ZNF543: variants seen among roughly 807,000 people sequenced by gnomAD.
ZNF543 encodes zinc finger protein 543.
A neutral mutation model predicts 13.4 loss-of-function variants in ZNF543; 10 were observed. That is an observed-to-expected ratio of 0.75 (90% CI 0.46 to 1.26). The LOEUF is 1.26. Ranked by LOEUF, ZNF543 falls within the 50% of genes most tolerant of loss-of-function variation. The pLI is 0.00. For missense variants in ZNF543, 768 were observed against 741.2 expected, an observed-to-expected ratio of 1.04 and a Z score of -0.42; for synonymous variants, 272 against 264.7, an observed-to-expected ratio of 1.03 and a Z score of -0.27.
Position 57,328,412 on chromosome 19 carries a change from G to T in ZNF543, c.950G>T (p.Gly317Val). Residue 317 changes from glycine (G) to valine (V), a missense_variant, in exon 4 of 4, where the codon GGC (glycine) becomes GTC (valine). Gly to Val is a moderately radical substitution (Grantham distance 109). This residue lies in a region of ZNF543 where 677 missense variants were observed against 631.4 expected (regional missense o/e 1.07). Coordinates refer to ENST00000321545, the MANE Select transcript of ZNF543 (RefSeq NM_213598.4). ...GEKPFVCKEC[G>V]KAFRDRPGFI... ...AAACCCTTTGTGTGCAAAGAGTGTGGCAAAGCCTTTCGAGATAGGCCAGGT... is the reference window on the plus strand; with the variant it reads ...AAACCCTTTGTGTGCAAAGAGTGTGTCAAAGCCTTTCGAGATAGGCCAGGT... 1 of 1,613,602 alleles carries T rather than the reference G, an allele frequency of 6.2e-7. No homozygotes were observed. The highest frequency in any genetic ancestry group is 1.3e-5 in the African/African-American group (1 of 74,808).
intron 1 of ZNF543, among the ~76,000 whole-genome samples, chr19:57,323,252 C>T (rs995469370): frequency 6.7e-6 from 1 of 150,150 alleles, no homozygotes; most frequent in African/African-American, 2.5e-5. Flanking sequence ...AGTACAGTGG[C>T]ACGATCTCGG....
Position 57,330,421 on chromosome 19 carries a change from C to G in ZNF543, c.*1156C>G, listed in dbSNP as rs776326783. ...AGGTCCACCTCAGTTTTCTAAAGGT[C>G]AAATTAAGGCCCCCCCAAAAATACA... On this transcript the variant is annotated 3_prime_UTR_variant, in exon 4 of 4. Transcript: ENST00000321545. 6.6e-6 allele frequency: 1 copy of G among 152,062 alleles called. No homozygotes were observed. Among genetic ancestry groups the G allele is most frequent in the African/African-American group, 2.4e-5 (1 of 41,404 alleles). The allele number at this position is 152,062 out of a possible 1,614,324, so 9.4% of individuals were successfully genotyped here.
chr19:57,329,599 G>A lies in ZNF543; in HGVS notation c.*334G>A, dbSNP rs866443483. The A allele has an allele frequency of 9.7e-4, 174 of 178,580 alleles. No individual in the cohort carries two copies. The highest frequency in any genetic ancestry group is 3.6e-3 in the African/African-American group (148 of 41,322). The allele number at this position is 178,580 out of a possible 1,614,324, so 11.1% of individuals were successfully genotyped here. ...GGGATCTCGGCTCACTGCAAGCTCC[G>A]CCTCCCGGGTTCACGCCATTCTCCT... On this transcript the variant is annotated 3_prime_UTR_variant, in exon 4 of 4. Coordinates refer to ENST00000321545, the MANE Select transcript of ZNF543 (RefSeq NM_213598.4).
Position 57,329,065 on chromosome 19 carries a change from T to C in ZNF543, c.1603T>C (p.Tyr535His), listed in dbSNP as rs2088145779. The C allele has an allele frequency of 6.2e-7, 1 of 1,614,084 alleles. No individual in the cohort carries two copies. Among genetic ancestry groups the C allele is most frequent in the African/African-American group, 1.3e-5 (1 of 74,934 alleles). Residue 535 changes from tyrosine to histidine, a missense_variant, in exon 4 of 4, where the codon TAT becomes CAT. Coordinates refer to ENST00000321545, the MANE Select transcript of ZNF543 (RefSeq NM_213598.4). ...CATCATTCACACTGGAGAGAAGCCG[T>C]ATGAATGCAGTGAGTGTGGAAAGGC... is the stretch of plus-strand genomic sequence containing the variant. Reference protein sequence around the residue: ...HSIIHTGEKPYECSECGKAFN... With the variant: ...HSIIHTGEKPHECSECGKAFN...
chr19:57,329,283 T>C lies in ZNF543; in HGVS notation c.*18T>C, dbSNP rs2088147784. The C allele has an allele frequency of 6.3e-7, 1 of 1,575,254 alleles. No homozygotes were observed. Among genetic ancestry groups the C allele is most frequent in the African/African-American group, 1.4e-5 (1 of 73,520 alleles). On this transcript the variant is annotated 3_prime_UTR_variant, in exon 4 of 4. Transcript: ENST00000321545. ...TGTGGTGAAAGGGAACATCTTACCA[T>C]CTGGCCATTCACACTGAAGAGAAAC...
In ZNF543 at chr19:57,320,613, G is replaced by A. The variant is rs113163663; in HGVS notation, c.-241G>A. 2,265 of 538,074 alleles carry A rather than the reference G, an allele frequency of 4.2e-3. 42 individuals carry two copies. The highest frequency in any genetic ancestry group is 0.037 in the African/African-American group (1,894 of 51,066). The allele number at this position is 538,074 out of a possible 1,614,324, so 33.3% of individuals were successfully genotyped here. On this transcript the variant is annotated 5_prime_UTR_variant, in exon 1 of 4. Coordinates refer to ENST00000321545, the MANE Select transcript of ZNF543 (RefSeq NM_213598.4). ...CTTCTCCGCATCTTGGCGGGAGCCTGACGCCCCGCTTCTTCCCTAACGGGG... is the reference window on the plus strand; with the variant it reads ...CTTCTCCGCATCTTGGCGGGAGCCTAACGCCCCGCTTCTTCCCTAACGGGG...
Position 57,328,772 on chromosome 19 carries a change from C to CTT in ZNF543, c.1313_1314dup (p.Val439LeufsTer128). 1 of 1,613,984 alleles carries CTT rather than the reference C, an allele frequency of 6.2e-7. No homozygotes were observed. The highest frequency in any genetic ancestry group is 1.3e-5 in the African/African-American group (1 of 74,942). On this transcript the variant is annotated frameshift_variant, in exon 4 of 4. Coordinates refer to ENST00000321545, the MANE Select transcript of ZNF543 (RefSeq NM_213598.4). LOFTEE classifies it low-confidence loss of function (END_TRUNC). ...GGAAAGGCCTTCACCCACTGCTCCA[C>CTT]TTTTGTCTTGCATAAAAGGACCCAC...
chr19:57,327,638 C>T, intron 3 of ZNF543, 66 bp from the exon 4 acceptor site: 1 of 1,528,798 alleles, frequency 6.5e-7, no homozygotes. Context: ...AATCACTGTC[C>T]CTGGCCTTTG....
chr19:57,323,866 C>A, intron 2 of ZNF543, 58 bp downstream of exon 2: 1 of 1,577,586 alleles, frequency 6.3e-7, no homozygotes. Context: ...CTCATGTTCC[C>A]CTCTCTCCTC....
rs766906433 is a variant in ZNF543, at chr19:57,328,117, C to T, written c.655C>T (p.Arg219Trp). The T allele has an allele frequency of 6.2e-6, 10 of 1,614,098 alleles. No homozygotes were observed. Among genetic ancestry groups the T allele is most frequent in the South Asian group, 5.5e-5 (5 of 91,088 alleles). ...KKNALLVQHE[R>W]IHTQVKPYEC... ...GAATGCCCTCCTTGTTCAGCATGAACGGATTCACACTCAAGTGAAGCCCTA... is the reference window on the plus strand; with the variant it reads ...GAATGCCCTCCTTGTTCAGCATGAATGGATTCACACTCAAGTGAAGCCCTA... Residue 219 changes from arginine (R) to tryptophan (W), a missense_variant, in exon 4 of 4, where the codon CGG becomes TGG. Physicochemically the swap from Arg to Trp is moderately radical, Grantham distance 101. Coordinates refer to ENST00000321545, the MANE Select transcript of ZNF543 (RefSeq NM_213598.4).
Position 57,328,568 on chromosome 19 carries a change from GCAA to G in ZNF543, c.1108_1110del (p.Asn370del), listed in dbSNP as rs1568510463. 1.2e-6 allele frequency: 2 copies of G among 1,613,652 alleles called. No homozygotes were observed. The highest frequency in any genetic ancestry group is 1.7e-5 in the Admixed American group (1 of 59,954). On this transcript the variant is annotated inframe_deletion, in exon 4 of 4. Coordinates refer to ENST00000321545, the MANE Select transcript of ZNF543 (RefSeq NM_213598.4). Reference sequence around the variant, plus strand: ...CACACTGGAGTGAAACCCTTTGAATGCAACGAGTGTGGAAAAGCTTTTTGCGAG... The same window carrying G: ...CACACTGGAGTGAAACCCTTTGAATGCGAGTGTGGAAAAGCTTTTTGCGAG...
In ZNF543 at chr19:57,328,050, A is replaced by C. The variant is rs2088134149; in HGVS notation, c.588A>C (p.Lys196Asn). ...CAGATGCCTTGATTCGCGAAGAGAA[A>C]AATTCCTATAAATGTGAGGAATGCG... is the stretch of plus-strand genomic sequence containing the variant. ...PVTDALIREE[K>N]NSYKCEECGK... Residue 196 changes from lysine to asparagine, a missense_variant, in exon 4 of 4, where the codon AAA (lysine) becomes AAC (asparagine). Physicochemically the swap from Lys to Asn is moderately conservative, Grantham distance 94 (BLOSUM62 0). This residue lies in a region of ZNF543 where 677 missense variants were observed against 631.4 expected (regional missense o/e 1.07). Transcript: ENST00000321545. 1.2e-6 allele frequency: 2 copies of C among 1,614,120 alleles called. No individual in the cohort carries two copies. Among genetic ancestry groups the C allele is most frequent in the Non-Finnish European group, 1.7e-6 (2 of 1,180,046 alleles).
chr19:57,328,013 A>G lies in ZNF543; in HGVS notation c.551A>G (p.His184Arg). 6.2e-7 allele frequency: 1 copy of G among 1,614,242 alleles called. No individual in the cohort carries two copies. The highest frequency in any genetic ancestry group is 8.5e-7 in the Non-Finnish European group (1 of 1,180,054). Residue 184 changes from histidine to arginine, a missense_variant, in exon 4 of 4, where the codon CAT becomes CGT. Physicochemically the swap from His to Arg is conservative, Grantham distance 29. Transcript: ENST00000321545. ...GGTGATCTCTATGAATGTGATTCAC[A>G]TGGACCAGTTACAGATGCCTTGATT... ...TEGDLYECDSHGPVTDALIRE... is the reference protein window; with the variant it reads ...TEGDLYECDSRGPVTDALIRE...
In ZNF543 at chr19:57,328,434, A is replaced by G. The variant is rs1193834002; in HGVS notation, c.972A>G (p.Pro324=). Residue 324 remains proline, a synonymous_variant, in exon 4 of 4, where the codon CCA becomes CCG. Coordinates refer to ENST00000321545, the MANE Select transcript of ZNF543 (RefSeq NM_213598.4). ...GTGGCAAAGCCTTTCGAGATAGGCC[A>G]GGTTTCATTCGACACTACATCATCC... ...KECGKAFRDR[P]GFIRHYIIHT... 2 of 1,611,842 alleles carry G rather than the reference A, an allele frequency of 1.2e-6. No homozygotes were observed. Among genetic ancestry groups the G allele is most frequent in the Admixed American group, 1.7e-5 (1 of 59,802 alleles).
In ZNF543 at chr19:57,320,845, G is replaced by T; in HGVS notation, c.-9G>T. On this transcript the variant is annotated 5_prime_UTR_variant, in exon 1 of 4. Transcript: ENST00000321545. ...TTCCCGGGCCCCGCTAGGGCTGCAG[G>T]GTCTCAGGATGGCAGCCTCGGCGCA... The T allele has an allele frequency of 6.2e-7, 1 of 1,613,918 alleles. No homozygotes were observed. Among genetic ancestry groups the T allele is most frequent in the Non-Finnish European group, 8.5e-7 (1 of 1,179,950 alleles).
At chr19:57,327,249 C>A (rs763407102) in intron 3 of ZNF543, among the ~76,000 whole-genome samples, 8 of 151,602 alleles carry the variant, frequency 5.3e-5, no homozygotes, top group Non-Finnish European at 1.2e-4. Flanking sequence ...GTATTTATTT[C>A]TTACTCAGTG....
In ZNF543 at chr19:57,328,513, C is replaced by T. The variant is rs778576358; in HGVS notation, c.1051C>T (p.Arg351Trp). 1.1e-5 allele frequency: 17 copies of T among 1,611,790 alleles called. 1 individual carries two copies. The East Asian group carries it at 1.1e-4, about 11-fold the overall frequency. ...CIECGKAFNR[R>W]SYLTWHQQIH... ...TGAGTGTGGGAAGGCCTTCAACCGC[C>T]GGTCATACCTCACGTGGCACCAACA... Residue 351 changes from arginine to tryptophan, a missense_variant, in exon 4 of 4, where the codon CGG (arginine) becomes TGG (tryptophan). Physicochemically the swap from Arg to Trp is moderately radical, Grantham distance 101. Coordinates refer to ENST00000321545, the MANE Select transcript of ZNF543 (RefSeq NM_213598.4).
Position 57,328,168 on chromosome 19 carries a change from T to C in ZNF543, c.706T>C (p.Phe236Leu), listed in dbSNP as rs771425179. The C allele has an allele frequency of 1.2e-6, 2 of 1,613,102 alleles. No individual in the cohort carries two copies. The highest frequency in any genetic ancestry group is 1.7e-6 in the Non-Finnish European group (2 of 1,179,270). ...TGAATGCACAGAGTGTGGGAAAACCTTTAGCAAGAGCACTCATCTTCTTCA... is the reference window on the plus strand; with the variant it reads ...TGAATGCACAGAGTGTGGGAAAACCCTTAGCAAGAGCACTCATCTTCTTCA... ...PYECTECGKT[F>L]SKSTHLLQHL... The change falls in exon 4 of 4, where the codon TTT becomes CTT. Residue 236 changes from phenylalanine (F) to leucine (L), a missense_variant. Transcript: ENST00000321545.
Position 57,329,192 on chromosome 19 carries a change from C to G in ZNF543, c.1730C>G (p.Thr577Ser). Residue 577 changes from threonine to serine, a missense_variant, in exon 4 of 4, where the codon ACT becomes AGT. This residue lies in a region of ZNF543 where 677 missense variants were observed against 631.4 expected (regional missense o/e 1.07). Transcript: ENST00000321545. ...GGAAGACCTTTTATGACTGCACAGA[C>G]TTCAGTCAACATCCAGGAACTTTTA... ...DVGRPFMTAQ[T>S]SVNIQELLLG... The G allele has an allele frequency of 6.2e-7, 1 of 1,613,920 alleles. No homozygotes were observed. The highest frequency in any genetic ancestry group is 1.7e-5 in the Admixed American group (1 of 59,996).
Sources: gnomAD v4.1 joint callset for allele counts (sites outside exome capture counted in the v4.1 genomes callset) on GRCh38, gnomAD v4.1.1 for gene constraint, gnomAD v4.1.1 regional missense constraint, MANE v1.5 for transcripts, NCBI Gene and HGNC (gene_info 2026-07-23, HGNC 2026-07-21) for gene names.